The following PRPSAP2 variants were observed in gnomAD, a reference collection of about 807,000 sequenced individuals.
The protein encoded by PRPSAP2 is phosphoribosyl pyrophosphate synthase-associated protein 2.
Under a neutral mutation model 40.6 loss-of-function variants are expected in PRPSAP2, and 24 were observed. The ratio of observed to expected loss-of-function variants is 0.59; its 90% confidence interval spans 0.43 to 0.83. The LOEUF (loss-of-function observed/expected upper bound fraction) is 0.83, where lower values mean the gene tolerates loss of function less well. PRPSAP2 is among the 40% of genes least tolerant of loss of function. The pLI is 0.00. For missense variants in PRPSAP2, 292 were observed against 465.6 expected (o/e 0.63, Z 3.43); for synonymous variants, 149 against 164.7 (o/e 0.90, Z 0.73).
intron 7 of PRPSAP2, among the ~76,000 whole-genome samples, chr17:18,885,644 A>G (rs1202168399): frequency 6.6e-6 from 1 of 151,638 alleles, no homozygotes; most frequent in African/African-American, 2.4e-5. Context: ...CTGGAGTGCA[A>G]TGGCATGATC....
intron 9 of PRPSAP2, among the ~76,000 whole-genome samples, chr17:18,912,269 CAT>C (rs1747887939): frequency 6.6e-6 from 1 of 152,088 alleles, no homozygotes; most frequent in Non-Finnish European, 1.5e-5. Context: ...GCTGCATCCT[CAT>C]GTGGTGGAGA....
chr17:18,862,921 C>T (rs1434753050), intron 1 of PRPSAP2, among the ~76,000 whole-genome samples: 2 of 151,398 alleles, frequency 1.3e-5, no homozygotes, highest in African/African-American at 2.4e-5. Flanking sequence ...CCCAGGTTCA[C>T]GCCATTTTCC....
chr17:18,930,424 C>T (rs1258748975), intron 11 of PRPSAP2, 116 bp from the exon 12 acceptor site: 5 of 860,914 alleles, frequency 5.8e-6, no homozygotes, highest in African/African-American at 3.4e-5. Flanking sequence ...GACATAGATC[C>T]ACTGTGTTTT....
intron 10 of PRPSAP2, among the ~76,000 whole-genome samples, chr17:18,924,497 G>C (rs1322850504): frequency 6.6e-6 from 1 of 152,106 alleles, no homozygotes. Context: ...GGCTGGGCGC[G>C]TTGGCTCATG....
At chr17:18,865,149 C>A (rs561405395) in intron 1 of PRPSAP2, among the ~76,000 whole-genome samples, 2 of 152,272 alleles carry the variant, frequency 1.3e-5, no homozygotes, top group South Asian at 4.1e-4. Context: ...CTGACCAGCA[C>A]TGATGATTTA....
chr17:18,918,994 C>T (rs1412956823), intron 9 of PRPSAP2, among the ~76,000 whole-genome samples: 1 of 152,032 alleles, frequency 6.6e-6, no homozygotes, highest in Non-Finnish European at 1.5e-5. Context: ...GCTTTCATTT[C>T]TGTTGTGCGT....
chr17:18,892,770 T>A (rs2039654052), intron 8 of PRPSAP2, among the ~76,000 whole-genome samples: 1 of 148,232 alleles, frequency 6.7e-6, no homozygotes, highest in Non-Finnish European at 1.5e-5. Flanking sequence ...AGTCTCGCTC[T>A]GTCACCCAGG....
intron 10 of PRPSAP2, among the ~76,000 whole-genome samples, chr17:18,926,236 ATTAT>A (rs35064082): frequency 0.022 from 3,151 of 145,208 alleles, 45 homozygotes; most frequent in Non-Finnish European, 0.033. Flanking sequence ...GTGCCACTGC[ATTAT>A]TTATTTATTT....
At chr17:18,865,226 G>A (rs1270166449) in intron 1 of PRPSAP2, among the ~76,000 whole-genome samples, 3 of 152,094 alleles carry the variant, frequency 2.0e-5, no homozygotes, top group Non-Finnish European at 4.4e-5. Context: ...CTGTCATTTG[G>A]GTGGTCGCTT....
intron 10 of PRPSAP2, among the ~76,000 whole-genome samples, chr17:18,926,306 A>C (rs2041970952): frequency 6.7e-6 from 1 of 149,786 alleles, no homozygotes; most frequent in South Asian, 2.1e-4. Context: ...TCGCTCTGTC[A>C]CCCAGGCTGG....
Position 18,906,543 on chromosome 17 carries a change from C to G in PRPSAP2, c.585-4560C>G, listed in dbSNP as rs962410479. Among the ~76,000 whole-genome samples, 9 of 151,094 alleles carry G rather than the reference C, an allele frequency of 6.0e-5. No homozygotes were observed. The Admixed American group carries it at 6.0e-4, about 10-fold the overall frequency. ...TAATTTTTTTTTATTTTTGTAGAGA[C>G]GAGGTCTCCCTGTGTTGCCCAGGCT... On this transcript the variant is annotated intron_variant, in intron 8 of 11. Transcript: ENST00000268835.
intron 4 of PRPSAP2, among the ~76,000 whole-genome samples, chr17:18,872,291 G>GA (rs2037949112): frequency 6.7e-6 from 1 of 148,534 alleles, no homozygotes; most frequent in East Asian, 2.0e-4. Context: ...AAAAAAAAAA[G>GA]TTACCATGCT....
At chr17:18,914,781 G>C (rs1413396594) in intron 9 of PRPSAP2, among the ~76,000 whole-genome samples, 1 of 150,368 alleles carries the variant, frequency 6.7e-6, no homozygotes, top group African/African-American at 2.4e-5. Context: ...CTGGAATGCA[G>C]TGGTGCAATC....
At chr17:18,885,649 A>T (rs2039085510) in intron 7 of PRPSAP2, among the ~76,000 whole-genome samples, 2 of 151,616 alleles carry the variant, frequency 1.3e-5, no homozygotes, top group Non-Finnish European at 2.9e-5. Flanking sequence ...GTGCAATGGC[A>T]TGATCTCGGC....
chr17:18,928,678 C>T (rs2042096794), intron 10 of PRPSAP2, 133 bp from the exon 11 acceptor site: 2 of 1,155,368 alleles, frequency 1.7e-6, no homozygotes, highest in Admixed American at 1.9e-5. Context: ...TGGGGCCATG[C>T]CGTCTGCACA....
intron 8 of PRPSAP2, among the ~76,000 whole-genome samples, chr17:18,902,439 T>C (rs992753170): frequency 3.3e-5 from 5 of 152,214 alleles, no homozygotes; most frequent in Admixed American, 1.3e-4. Flanking sequence ...CTCTCATAGA[T>C]GAGGAAACAG....
intron 8 of PRPSAP2, among the ~76,000 whole-genome samples, chr17:18,892,931 T>G (rs1238069496): frequency 6.6e-6 from 1 of 151,464 alleles, no homozygotes; most frequent in Non-Finnish European, 1.5e-5. Flanking sequence ...TTTTTGGCCA[T>G]TTGTATATAT....
upstream of PRPSAP2, chr17:18,856,309 A>T (rs1247915612): frequency 6.6e-6 from 1 of 152,068 alleles, no homozygotes; most frequent in Non-Finnish European, 1.5e-5. Flanking sequence ...ACATGCCAAC[A>T]TGTGACGCGT....
At chr17:18,905,934 A>G (rs957057540) in intron 8 of PRPSAP2, among the ~76,000 whole-genome samples, 1 of 152,180 alleles carries the variant, frequency 6.6e-6, no homozygotes, top group African/African-American at 2.4e-5. Context: ...GTAAGGATGA[A>G]TTCAAAGTTA....
Sources: gnomAD v4.1 joint callset for allele counts (sites outside exome capture counted in the v4.1 genomes callset) on GRCh38, gnomAD v4.1.1 for gene constraint, MANE v1.5 for transcripts, NCBI Gene and HGNC (gene_info 2026-07-23, HGNC 2026-07-21) for gene names.